Variants in HTR2C observed in about 807,000 individuals in gnomAD.
HTR2C encodes the protein 5-hydroxytryptamine receptor 2C, also known as 5-hydroxytryptamine (serotonin) receptor 2C, G protein-coupled.
HTR2C carries 5 observed loss-of-function variants against 21.0 expected under a neutral mutation model. The observed-to-expected ratio is 0.24, with a 90% CI of 0.12 to 0.50. The LOEUF (loss-of-function observed/expected upper bound fraction) is 0.50. Ranked by LOEUF, HTR2C falls within the 20% of genes least tolerant of loss-of-function variation. The pLI is 0.98. For synonymous variants in HTR2C, 150 were observed against 145.3 expected (o/e 1.03, Z -0.23); for missense variants, 271 against 371.2 (o/e 0.73, Z 2.22).
At chrX:114,640,241 A>T (rs1556406150) in intron 2 of HTR2C, among the ~76,000 whole-genome samples, 1 of 111,970 alleles carries the variant, frequency 8.9e-6, no homozygotes, top group Admixed American at 9.5e-5. Flanking sequence ...CTCGAACCAT[A>T]AAAAGTAGAA....
At chrX:114,621,756 G>A (rs782055298) in intron 2 of HTR2C, among the ~76,000 whole-genome samples, 25 of 112,176 alleles carry the variant, frequency 2.2e-4, no homozygotes, top group Middle Eastern at 4.6e-3. Context: ...TGAACTGAAA[G>A]CAATGGATTG....
At chrX:114,856,244 C>G (rs1556470976) in intron 5 of HTR2C, among the ~76,000 whole-genome samples, 3 of 104,184 alleles carry the variant, frequency 2.9e-5, no homozygotes, top group Non-Finnish European at 5.9e-5. Context: ...GAATAAAATA[C>G]CTAGGAATCC....
At chrX:114,780,603 C>T (rs915382599) in intron 4 of HTR2C, among the ~76,000 whole-genome samples, 3 of 111,153 alleles carry the variant, frequency 2.7e-5, no homozygotes, top group Non-Finnish European at 5.7e-5. Flanking sequence ...TAAACCTGTC[C>T]CTGATCATTT....
intron 4 of HTR2C, among the ~76,000 whole-genome samples, chrX:114,818,611 C>T (rs1428254633): frequency 8.9e-6 from 1 of 111,755 alleles, no homozygotes; most frequent in Non-Finnish European, 1.9e-5. Context: ...TCCACCACAT[C>T]TCAGCTTCAC....
At position 114,731,620 on chromosome X, in the gene HTR2C, T is replaced by G; in HGVS notation, c.349+13T>G. The G allele has an allele frequency of 9.0e-7, 1 of 1,108,092 alleles. No individual in the cohort carries two copies. The highest frequency in any genetic ancestry group is 1.2e-6 in the Non-Finnish European group (1 of 813,098). The allele number at this position is 1,108,092 out of a possible 1,213,427, so 91.3% of individuals were successfully genotyped here. On this transcript the variant is annotated intron_variant, in intron 4 of 5. Transcript: ENST00000276198. ...GCAATCCTTTATGGTAAGTACAATT[T>G]TATTCACTTTTCAATCTCGTATAAT...
chrX:114,599,307 G>A, intron 1 of HTR2C, among the ~76,000 whole-genome samples: 1 of 111,857 alleles, frequency 8.9e-6, no homozygotes, highest in Admixed American at 9.5e-5. Context: ...ATTTTTTGAA[G>A]TTTAAATTAG....
chrX:114,636,541 C>A (rs781909027), intron 2 of HTR2C, among the ~76,000 whole-genome samples: 4 of 111,981 alleles, frequency 3.6e-5, no homozygotes, highest in Non-Finnish European at 7.5e-5. Context: ...CCATAATTAA[C>A]TCTGGAGCCT....
At chrX:114,614,873 C>T (rs958672597) in intron 2 of HTR2C, among the ~76,000 whole-genome samples, 16 of 111,524 alleles carry the variant, frequency 1.4e-4, no homozygotes, top group Non-Finnish European at 2.6e-4. Flanking sequence ...TCCTTATTTT[C>T]GACTCCAGAC....
In HTR2C at chrX:114,834,794, C is replaced by A. The variant is rs1375068232; in HGVS notation, c.350-13209C>A. ...GCTCGTTAGTTGATGCAGTTTCTTC[C>A]TAGTCTCGATGGTCTTTACATTTTG... On this transcript the variant is annotated intron_variant, in intron 4 of 5. Transcript: ENST00000276198. Among the ~76,000 whole-genome samples, 17 of 107,798 alleles carry A rather than the reference C, an allele frequency of 1.6e-4. No homozygotes were observed. In the East Asian group the frequency reaches 4.4e-3, roughly 28 times the overall value. The allele number at this position is 107,798 out of a possible 115,157, so 93.6% of individuals were successfully genotyped here.
chrX:114,716,084 A>G, intron 2 of HTR2C, among the ~76,000 whole-genome samples: 1 of 112,443 alleles, frequency 8.9e-6, no homozygotes, highest in East Asian at 2.8e-4. Context: ...CTCTTTGAAA[A>G]CCTTCAGTTT....
intron 5 of HTR2C, among the ~76,000 whole-genome samples, chrX:114,854,745 T>C (rs2070945581): frequency 9.0e-6 from 1 of 111,517 alleles, no homozygotes. Context: ...ACTAAAAAAC[T>C]TCTATGCAGA....
chrX:114,634,184 C>G (rs1020044675), intron 2 of HTR2C, among the ~76,000 whole-genome samples: 40 of 109,662 alleles, frequency 3.6e-4, no homozygotes, highest in African/African-American at 1.3e-3. Flanking sequence ...GCCTTTTTAT[C>G]TATACGTTCT....
At position 114,813,235 on chromosome X, in the gene HTR2C, T is replaced by A. The variant is rs1427468955; in HGVS notation, c.350-34768T>A. Among the ~76,000 whole-genome samples the A allele has an allele frequency of 3.6e-5, 4 of 112,180 alleles. No individual in the cohort carries two copies. The East Asian group carries it at 1.1e-3, about 31-fold the overall frequency. On this transcript the variant is annotated intron_variant, in intron 4 of 5. Transcript: ENST00000276198. ...GACTTAAAAAATAAGGATTTGGAAA[T>A]TTTTGATAACAATTTAGTGGGGGCG...
chrX:114,656,505 T>C (rs1272924265), intron 2 of HTR2C, among the ~76,000 whole-genome samples: 1 of 110,931 alleles, frequency 9.0e-6, no homozygotes, highest in African/African-American at 3.3e-5. Context: ...TACCTATAAC[T>C]CTCTATAGTC....
chrX:114,829,455 A>C (rs1556459795), intron 4 of HTR2C, among the ~76,000 whole-genome samples: 1 of 108,894 alleles, frequency 9.2e-6, no homozygotes, highest in South Asian at 4.0e-4. Flanking sequence ...TTCTGATAGC[A>C]CTCTGATGCA....
chrX:114,634,377 C>A (rs1323604711), intron 2 of HTR2C, among the ~76,000 whole-genome samples: 3 of 111,531 alleles, frequency 2.7e-5, no homozygotes, highest in African/African-American at 9.8e-5. Flanking sequence ...AAAAACAAGA[C>A]AATAAGTGAA....
chrX:114,640,033 A>G (rs1930032746), intron 2 of HTR2C, among the ~76,000 whole-genome samples: 1 of 111,941 alleles, frequency 8.9e-6, no homozygotes, highest in Non-Finnish European at 1.9e-5. Context: ...TAATAGTGAA[A>G]TAATAGTAAT....
At chrX:114,678,338 TA>T (rs1314905296) in intron 2 of HTR2C, among the ~76,000 whole-genome samples, 1 of 108,483 alleles carries the variant, frequency 9.2e-6, no homozygotes, top group African/African-American at 3.4e-5. Flanking sequence ...AGACCTAAAT[TA>T]AAAAGGTCAA....
intron 1 of HTR2C, among the ~76,000 whole-genome samples, chrX:114,591,497 A>G (rs1683906347): frequency 8.9e-6 from 1 of 111,827 alleles, no homozygotes; most frequent in Non-Finnish European, 1.9e-5. Flanking sequence ...AGTATTATTT[A>G]AGTTAGCAAG....
Sources: allele counts gnomAD v4.1 joint callset (sites outside exome capture counted in the v4.1 genomes callset), GRCh38; gene constraint gnomAD v4.1.1; transcripts MANE v1.5; gene names NCBI Gene and HGNC (gene_info 2026-07-23, HGNC 2026-07-21).